Variants in ITGA11 observed in about 807,000 individuals in gnomAD.
The protein encoded by ITGA11 is integrin subunit alpha 11, also known as integrin alpha-11.
ITGA11 carries 97 observed loss-of-function variants against 141.9 expected under a neutral mutation model. The ratio of observed to expected loss-of-function variants is 0.68; its 90% CI spans 0.58 to 0.81. The LOEUF (loss-of-function observed/expected upper bound fraction) is 0.81, where lower values mean the gene tolerates loss of function less well. ITGA11 is among the 30% of genes least tolerant of loss of function. The pLI, the probability that ITGA11 is intolerant of heterozygous loss-of-function variation, is 0.00. For synonymous variants in ITGA11, 658 were observed against 624.6 expected (o/e 1.05, Z -0.80); for missense variants, 1,387 against 1,559.2 (o/e 0.89, Z 1.86).
chr15:68,318,213 T>C (rs8039349), intron 20 of ITGA11, among the ~76,000 whole-genome samples: 20,663 of 152,078 alleles, frequency 0.14, 3,540 homozygotes, highest in African/African-American at 0.38. Context: ...CCACCTGCTA[T>C]GTGTGGGGAC....
rs1007906265 is a variant in ITGA11, at chr15:68,421,449, G to A, written c.52+10566C>T. Among the ~76,000 whole-genome samples the A allele has an allele frequency of 4.1e-4, 63 of 152,228 alleles. 1 individual carries two copies. Among genetic ancestry groups the A allele is most frequent in the Admixed American group, 2.6e-3 (40 of 15,300 alleles). ...CGGGGAGCCCTGGAGGGTTTGGAGC[G>A]GAGCAGGGACATGACATGATGTGAC... is the stretch of plus-strand genomic sequence containing the variant. On this transcript the variant is annotated intron_variant, in intron 1 of 29. Transcript: ENST00000315757.
intron 5 of ITGA11, 125 bp from the exon 6 acceptor site, chr15:68,358,710 G>A: frequency 2.8e-6 from 3 of 1,081,696 alleles, no homozygotes; most frequent in Non-Finnish European, 3.9e-6. Flanking sequence ...CCTGGGCTGG[G>A]AAACTGTCCT....
chr15:68,313,781 G>A lies in ITGA11; in HGVS notation c.2880C>T (p.Thr960=), dbSNP rs1299784518. Residue 960 remains threonine (T), a splice_region_variant and synonymous_variant, in exon 23 of 30, where the codon ACC becomes ACT. Coordinates refer to ENST00000315757, the MANE Select transcript of ITGA11 (RefSeq NM_001004439.2). ...GGGGCCCCCGGAGCCCGGCCCACCT[G>A]GTGAAGAGGACGTCAGCCTCGTATT... ...HLKYEADVLF[T]RSSSLSHYEV... is the part of the protein sequence containing the mutation. The A allele has an allele frequency of 3.1e-6, 5 of 1,613,430 alleles. No homozygotes were observed. The highest frequency in any genetic ancestry group is 3.4e-6 in the Non-Finnish European group (4 of 1,179,612).
Position 68,325,150 on chromosome 15 carries a change from G to C in ITGA11, c.2303C>G (p.Pro768Arg). 6.2e-7 allele frequency: 1 copy of C among 1,613,800 alleles called. No homozygotes were observed. Among genetic ancestry groups the C allele is most frequent in the African/African-American group, 1.3e-5 (1 of 75,026 alleles). ...ATGTACCGAGACTCTGAGAGTGGTG[G>C]GCCAGCCGTCGTCCAGCATGGGGCC... ...DHGPMLDDGW[P>R]TTLRVSVPFW... The change falls in exon 18 of 30, where the codon CCC becomes CGC. Residue 768 changes from proline (P) to arginine (R), a missense_variant. Transcript: ENST00000315757. This position sits in a 1 kb window ranked among gnomAD's most constrained non-coding sequence, Gnocchi z 5.5.
intron 2 of ITGA11, among the ~76,000 whole-genome samples, chr15:68,388,552 C>T (rs1896040763): frequency 6.6e-6 from 1 of 152,162 alleles, no homozygotes; most frequent in African/African-American, 2.4e-5. Flanking sequence ...AAGAAAAACT[C>T]CATCAGAGCA....
Position 68,395,303 on chromosome 15 carries a change from G to C in ITGA11, c.164+7615C>G, listed in dbSNP as rs968347554. Among the ~76,000 whole-genome samples the C allele has an allele frequency of 7.9e-5, 12 of 152,146 alleles. 2 individuals are homozygous for C. Among genetic ancestry groups the C allele is most frequent in the Admixed American group, 7.2e-4 (11 of 15,264 alleles). On this transcript the variant is annotated intron_variant, in intron 2 of 29. Transcript: ENST00000315757. ...GGATCGCAGATCCTCACCAGCAATG[G>C]AACAAAGCTGGATGGAGAATGACTT...
intron 14 of ITGA11, among the ~76,000 whole-genome samples, chr15:68,331,368 G>T (rs1248800083): frequency 2.6e-5 from 4 of 152,158 alleles, no homozygotes; most frequent in Non-Finnish European, 5.9e-5. Flanking sequence ...ACTTGGAGGC[G>T]ACCCATCCCC....
intron 10 of ITGA11, among the ~76,000 whole-genome samples, chr15:68,345,328 C>CT (rs1894709673): frequency 6.6e-6 from 1 of 152,172 alleles, no homozygotes; most frequent in Admixed American, 6.5e-5. Flanking sequence ...CAAATCAAGA[C>CT]TAGGGTTTCC....
intron 1 of ITGA11, among the ~76,000 whole-genome samples, chr15:68,427,359 G>T (rs1897167506): frequency 6.6e-6 from 1 of 152,224 alleles, no homozygotes; most frequent in Admixed American, 6.5e-5. Flanking sequence ...GTCCTATGAA[G>T]TTGTTATTTT....
At chr15:68,318,376 G>GGGAA (rs1234454874) in intron 20 of ITGA11, among the ~76,000 whole-genome samples, 20 of 152,192 alleles carry the variant, frequency 1.3e-4, no homozygotes, top group Non-Finnish European at 2.5e-4. Flanking sequence ...AGGGAAGCAG[G>GGGAA]GGAAGGCGGA....
chr15:68,350,031 A>C (rs1317355026), intron 9 of ITGA11, among the ~76,000 whole-genome samples: 1 of 152,216 alleles, frequency 6.6e-6, no homozygotes, highest in Non-Finnish European at 1.5e-5. Context: ...CCATGCTCCC[A>C]AGCTGTGAGA....
rs1171330526 is a variant in ITGA11, at chr15:68,396,943, T to TATTTATTATATAATATATA, written c.164+5974_164+5975insTATATATTATATAATAAAT. ...ATTTATTATATAATATATAATATATTATATATTATTTATTATATAATAAAT... is the reference window on the plus strand; with the variant it reads ...ATTTATTATATAATATATAATATATTATTTATTATATAATATATAATATATTATTTATTATATAATAAAT... On this transcript the variant is annotated intron_variant, in intron 2 of 29. Transcript: ENST00000315757. 2.2e-3 allele frequency among the ~76,000 whole-genome samples: 39 copies of TATTTATTATATAATATATA among 17,722 alleles called. 7 individuals carry two copies. Among genetic ancestry groups the TATTTATTATATAATATATA allele is most frequent in the African/African-American group, 9.3e-3 (36 of 3,874 alleles). 11.6% of individuals were successfully genotyped at this position (17,722 alleles called of 152,430 possible).
intron 2 of ITGA11, among the ~76,000 whole-genome samples, chr15:68,374,835 C>A (rs951566306): frequency 1.3e-5 from 2 of 152,254 alleles, no homozygotes; most frequent in African/African-American, 4.8e-5. Flanking sequence ...TGCAAGGCCT[C>A]AACCTCACAT....
chr15:68,360,094 C>G (rs1228354155), intron 5 of ITGA11, among the ~76,000 whole-genome samples: 3 of 152,176 alleles, frequency 2.0e-5, no homozygotes, highest in Non-Finnish European at 2.9e-5. Context: ...CACTTCTTGT[C>G]CCACCTGCAT....
rs1346805992 is a variant in ITGA11, at chr15:68,328,241, G to C, written c.1923C>G (p.Ile641Met). The change falls in exon 16 of 30, where the codon ATC becomes ATG. Residue 641 changes from isoleucine to methionine, a missense_variant. Transcript: ENST00000315757. The surrounding 1 kb of genome is among the most constrained non-coding windows in gnomAD (Gnocchi z 4.8). ...ATGGCTCAAAGTGGAGGCTGGCATTGATCTGAACCACTGGGCGGGACCTGG... is the reference window on the plus strand; with the variant it reads ...ATGGCTCAAAGTGGAGGCTGGCATTCATCTGAACCACTGGGCGGGACCTGG... Reference protein sequence around the residue: ...VILWSRPVVQINASLHFEPSK... With the variant: ...VILWSRPVVQMNASLHFEPSK... The C allele has an allele frequency of 6.2e-7, 1 of 1,613,724 alleles. No individual in the cohort carries two copies. The highest frequency in any genetic ancestry group is 1.7e-5 in the Admixed American group (1 of 59,996).
chr15:68,344,874 T>G (rs1032156536), intron 10 of ITGA11, among the ~76,000 whole-genome samples: 5 of 152,142 alleles, frequency 3.3e-5, no homozygotes, highest in Admixed American at 6.5e-5. Context: ...ACTGCTTCCT[T>G]CTGTAAACTT....
chr15:68,307,253 C>CA lies in ITGA11; in HGVS notation c.3381+94dup. 1.2e-6 allele frequency: 1 copy of CA among 839,756 alleles called. No homozygotes were observed. The highest frequency in any genetic ancestry group is 1.9e-6 in the Non-Finnish European group (1 of 525,584). The allele number at this position is 839,756 out of a possible 1,614,324, so 52.0% of individuals were successfully genotyped here. On this transcript the variant is annotated intron_variant, in intron 28 of 29. Transcript: ENST00000315757. The surrounding 1 kb of genome is among the most constrained non-coding windows in gnomAD (Gnocchi z 6.1). ...ATTCTCTCCTGCTGGGACATGCAGC[C>CA]AGGGGTTGTAGGAAAACTCTATAGA...
Position 68,400,755 on chromosome 15 carries a change from TATA to T in ITGA11, c.164+2160_164+2162del, listed in dbSNP as rs1256141974. Reference sequence around the variant, plus strand: ...ATATTATATATTATATAATAAATATTATAATATTATATATTATATAATAAATAT... The same window carrying T: ...ATATTATATATTATATAATAAATATTATATTATATATTATATAATAAATAT... On this transcript the variant is annotated intron_variant, in intron 2 of 29. Coordinates refer to ENST00000315757, the MANE Select transcript of ITGA11 (RefSeq NM_001004439.2). Among the ~76,000 whole-genome samples the T allele has an allele frequency of 8.6e-4, 15 of 17,518 alleles. 7 individuals are homozygous for T. Among genetic ancestry groups the T allele is most frequent in the African/African-American group, 4.7e-3 (8 of 1,704 alleles). The allele number at this position is 17,518 out of a possible 152,430, so 11.5% of individuals were successfully genotyped here. A position where few individuals can be genotyped will look rare whatever the true frequency, so the allele number is the denominator to read the frequency against.
intron 2 of ITGA11, 26 bp downstream of exon 2, chr15:68,402,892 G>A (rs1212921426): frequency 6.7e-7 from 1 of 1,500,336 alleles, no homozygotes; most frequent in Non-Finnish European, 9.2e-7. Context: ...GTACAGGGCT[G>A]GGTGTGGGCG....
Sources: gnomAD v4.1 joint callset for allele counts (sites outside exome capture counted in the v4.1 genomes callset) on GRCh38, gnomAD v4.1.1 for gene constraint, Gnocchi (gnomAD v3.1) non-coding constraint, MANE v1.5 for transcripts, NCBI Gene and HGNC (gene_info 2026-07-23, HGNC 2026-07-21) for gene names.